ZBTB44: variants seen among roughly 807,000 people sequenced by gnomAD.
ZBTB44 encodes zinc finger and BTB domain containing 44, also known as zinc finger and BTB domain-containing protein 44.
Under a neutral mutation model 54.0 loss-of-function variants are expected in ZBTB44, and 15 were observed. That is an observed-to-expected ratio of 0.28 (90% confidence interval 0.19 to 0.43). The LOEUF (loss-of-function observed/expected upper bound fraction) is 0.43. ZBTB44 is among the 20% of genes least tolerant of loss of function. ZBTB44 has a pLI of 1.00. For synonymous variants in ZBTB44, 230 were observed against 250.1 expected (o/e 0.92, Z 0.76); for missense variants, 487 against 707.1 (o/e 0.69, Z 3.53).
intron 1 of ZBTB44, among the ~76,000 whole-genome samples, chr11:130,265,136 C>T (rs1939157724): frequency 6.6e-6 from 1 of 152,140 alleles, no homozygotes; most frequent in Non-Finnish European, 1.5e-5. Context: ...TCTCCATATT[C>T]CATGAAAAAC....
intron 1 of ZBTB44, among the ~76,000 whole-genome samples, chr11:130,283,969 CAAAAAAAAAAAAA>C (rs71061377): frequency 3.8e-4 from 17 of 45,176 alleles, no homozygotes; most frequent in South Asian, 1.8e-3. Flanking sequence ...GACTCCATCT[CAAAAAAAAAAAAA>C]AAAAAAAAAA....
At chr11:130,289,874 T>C (rs137955327) in intron 1 of ZBTB44, among the ~76,000 whole-genome samples, 18 of 152,316 alleles carry the variant, frequency 1.2e-4, no homozygotes, top group African/African-American at 3.6e-4. Flanking sequence ...ACATGGCCCA[T>C]AGGTACTTCA....
chr11:130,227,542 T>C lies in ZBTB44; in HGVS notation c.*4222A>G, dbSNP rs1353353053. Reference sequence around the variant, plus strand: ...GGTAAAAAAGTCCCCCCGCCCCGACTTCCTTGCTGCCGGGCTATAGGCAAA... The same window carrying C: ...GGTAAAAAAGTCCCCCCGCCCCGACCTCCTTGCTGCCGGGCTATAGGCAAA... On this transcript the variant is annotated 3_prime_UTR_variant, in exon 8 of 8. Transcript: ENST00000357899. 1 of 152,206 alleles carries C rather than the reference T, an allele frequency of 6.6e-6. No homozygotes were observed. Among genetic ancestry groups the C allele is most frequent in the East Asian group, 1.9e-4 (1 of 5,204 alleles). 9.4% of individuals were successfully genotyped at this position (152,206 alleles called of 1,614,324 possible). A position where few individuals can be genotyped will look rare whatever the true frequency, so the allele number is the denominator to read the frequency against.
intron 1 of ZBTB44, among the ~76,000 whole-genome samples, chr11:130,266,327 T>G (rs1019147383): frequency 1.3e-5 from 2 of 152,256 alleles, no homozygotes; most frequent in African/African-American, 4.8e-5. Context: ...AGTATATTAC[T>G]GCTTTCCAAC....
At chr11:130,284,086 C>T (rs748518312) in intron 1 of ZBTB44, among the ~76,000 whole-genome samples, 1 of 150,796 alleles carries the variant, frequency 6.6e-6, no homozygotes, top group African/African-American at 2.5e-5. Context: ...GTCGGAAGTT[C>T]AAGACCAGCC....
chr11:130,258,347 T>C (rs779823430), intron 2 of ZBTB44, among the ~76,000 whole-genome samples: 6 of 152,068 alleles, frequency 3.9e-5, no homozygotes, highest in Non-Finnish European at 7.3e-5. Context: ...TCTTGTAATA[T>C]CTATTTTCTT....
At chr11:130,307,875 G>A (rs1318675685) in intron 1 of ZBTB44, among the ~76,000 whole-genome samples, 1 of 152,140 alleles carries the variant, frequency 6.6e-6, no homozygotes, top group African/African-American at 2.4e-5. Flanking sequence ...ACAGGTGCAT[G>A]CCACCACACT....
intron 1 of ZBTB44, chr11:130,297,048 T>C: frequency 1.5e-6 from 1 of 674,008 alleles, no homozygotes; most frequent in Non-Finnish European, 2.7e-6. Flanking sequence ...CAGGCAGCTC[T>C]CTCATTGAAG....
At chr11:130,247,588 C>T (rs138202801) in intron 2 of ZBTB44, among the ~76,000 whole-genome samples, 58 of 152,286 alleles carry the variant, frequency 3.8e-4, no homozygotes, top group Middle Eastern at 3.4e-3. Flanking sequence ...GAGAAATAAA[C>T]GATAATGAGA....
At chr11:130,267,422 T>C (rs1456738096) in intron 1 of ZBTB44, among the ~76,000 whole-genome samples, 4 of 151,944 alleles carry the variant, frequency 2.6e-5, no homozygotes, top group Non-Finnish European at 5.9e-5. Flanking sequence ...ATTTTTGTTT[T>C]AGAGGCAGGG....
chr11:130,305,603 A>G (rs113149551), intron 1 of ZBTB44, among the ~76,000 whole-genome samples: 1,695 of 152,306 alleles, frequency 0.011, 12 homozygotes, highest in Non-Finnish European at 0.018. Flanking sequence ...CACAAAAATC[A>G]ACACAAGGTG....
In ZBTB44 at chr11:130,231,089, C is replaced by CTAAT. The variant is rs1329744029; in HGVS notation, c.*671_*674dup. On this transcript the variant is annotated 3_prime_UTR_variant, in exon 8 of 8. Coordinates refer to ENST00000357899, the MANE Select transcript of ZBTB44 (RefSeq NM_001301098.2). ...TTATGTTTAGTTACACTGGTAATTT[C>CTAAT]TAATGAATGGGATAATATAACTGGC... The CTAAT allele has an allele frequency of 2.6e-5, 4 of 152,062 alleles. No homozygotes were observed. The East Asian group carries it at 7.7e-4, about 29-fold the overall frequency. The allele number at this position is 152,062 out of a possible 1,614,324, so 9.4% of individuals were successfully genotyped here.
chr11:130,279,451 G>A lies in ZBTB44; in HGVS notation c.-56-17522C>T, dbSNP rs1164987542. Among the ~76,000 whole-genome samples the A allele has an allele frequency of 2.6e-5, 4 of 152,118 alleles. No individual in the cohort carries two copies. In the East Asian group the frequency reaches 7.7e-4, roughly 29 times the overall value. On this transcript the variant is annotated intron_variant, in intron 1 of 7. Transcript: ENST00000357899. ...AGGCAGGTGGATCACTTGAGGCCAG[G>A]AGTTCGAGACCAGCCTGGCCAACAC...
chr11:130,296,912 G>A (rs1941687689), intron 1 of ZBTB44: 2 of 732,440 alleles, frequency 2.7e-6, no homozygotes, highest in Non-Finnish European at 5.0e-6. Flanking sequence ...TTGTTGATCT[G>A]AATGTCAATG....
intron 1 of ZBTB44, chr11:130,296,768 T>C (rs1331880950): frequency 5.0e-6 from 4 of 797,042 alleles, no homozygotes; most frequent in Non-Finnish European, 4.5e-6. Context: ...ACTACTTTCT[T>C]TGTAAGTCAG....
intron 1 of ZBTB44, among the ~76,000 whole-genome samples, chr11:130,313,030 A>C (rs1942713702): frequency 6.6e-6 from 1 of 152,138 alleles, no homozygotes; most frequent in African/African-American, 2.4e-5. Flanking sequence ...CATTGCATGA[A>C]TAACCGATCA....
chr11:130,296,937 C>A, intron 1 of ZBTB44: 1 of 738,760 alleles, frequency 1.4e-6, no homozygotes. Context: ...TGAAGGCAAG[C>A]AGAAAAAGCG....
chr11:130,279,763 C>A (rs1940375905), intron 1 of ZBTB44, among the ~76,000 whole-genome samples: 1 of 152,208 alleles, frequency 6.6e-6, no homozygotes. Context: ...CTTCACTTAG[C>A]TGTCTTATTC....
At chr11:130,246,118 T>C (rs1954633531) in intron 2 of ZBTB44, among the ~76,000 whole-genome samples, 2 of 152,190 alleles carry the variant, frequency 1.3e-5, no homozygotes, top group Non-Finnish European at 2.9e-5. Flanking sequence ...ACTGTGGAGG[T>C]AAACACATAG....
Sources: gnomAD v4.1 joint callset for allele counts (sites outside exome capture counted in the v4.1 genomes callset) on GRCh38, gnomAD v4.1.1 for gene constraint, MANE v1.5 for transcripts, NCBI Gene and HGNC (gene_info 2026-07-23, HGNC 2026-07-21) for gene names.